The following KATNBL1 variants were observed in gnomAD, a reference collection of about 807,000 sequenced individuals.
The protein encoded by KATNBL1 is KATNB1-like protein 1.
A neutral mutation model predicts 44.7 loss-of-function variants in KATNBL1; 28 were observed. The ratio of observed to expected loss-of-function variants is 0.63; its 90% CI spans 0.46 to 0.86. The LOEUF (loss-of-function observed/expected upper bound fraction) is 0.86, where lower values mean the gene tolerates loss of function less well. KATNBL1 is among the 40% of genes least tolerant of loss of function. The pLI, the probability that KATNBL1 is intolerant of heterozygous loss-of-function variation, is 0.00. For missense variants in KATNBL1, 272 were observed against 350.7 expected (o/e 0.78, Z 1.79); for synonymous variants, 78 against 114.9 (o/e 0.68, Z 2.06).
At chr15:34,170,412 A>G (rs1889122902) in intron 1 of KATNBL1, among the ~76,000 whole-genome samples, 1 of 152,246 alleles carries the variant, frequency 6.6e-6, no homozygotes. Context: ...GGAGAACTAC[A>G]AACCACTGCT....
chr15:34,182,383 A>T (rs1401746286), intron 1 of KATNBL1, among the ~76,000 whole-genome samples: 2 of 152,202 alleles, frequency 1.3e-5, no homozygotes, highest in Non-Finnish European at 1.5e-5. Flanking sequence ...AAACATATAC[A>T]ATTACGGTGT....
At chr15:34,164,141 G>A (rs975290836) in intron 1 of KATNBL1, among the ~76,000 whole-genome samples, 10 of 152,106 alleles carry the variant, frequency 6.6e-5, no homozygotes, top group African/African-American at 1.7e-4. Context: ...TGATCCATCC[G>A]CCTCAGCCTC....
intron 1 of KATNBL1, among the ~76,000 whole-genome samples, chr15:34,204,924 G>A (rs1407425380): frequency 6.6e-6 from 1 of 151,740 alleles, no homozygotes; most frequent in Non-Finnish European, 1.5e-5. Flanking sequence ...CGAATTATAT[G>A]TGAAAAAACT....
rs1386970832 is a variant in KATNBL1, at chr15:34,145,250, G to A, written c.882+148C>T. 3 of 1,412,758 alleles carry A rather than the reference G, an allele frequency of 2.1e-6. No individual in the cohort carries two copies. In the African/African-American group the frequency reaches 4.3e-5, roughly 20 times the overall value. 87.5% of individuals were successfully genotyped at this position (1,412,758 alleles called of 1,614,324 possible). On this transcript the variant is annotated intron_variant, in intron 9 of 9. Transcript: ENST00000256544. ...GCCAAGGTCACAGTTACACGCAGAG[G>A]ACCTGAAGCATTTGAAAATATGAAA...
At chr15:34,176,520 A>G (rs773937203) in intron 1 of KATNBL1, among the ~76,000 whole-genome samples, 5 of 152,252 alleles carry the variant, frequency 3.3e-5, no homozygotes, top group Non-Finnish European at 5.9e-5. Flanking sequence ...AGAGATAGAA[A>G]GCAGACTCGT....
chr15:34,196,615 C>T (rs1234015313), intron 1 of KATNBL1, among the ~76,000 whole-genome samples: 2 of 152,014 alleles, frequency 1.3e-5, no homozygotes, highest in African/African-American at 4.8e-5. Flanking sequence ...GTAATCCCAG[C>T]TACTCGGGAG....
intron 1 of KATNBL1, among the ~76,000 whole-genome samples, chr15:34,178,965 G>C (rs1889428770): frequency 6.6e-6 from 1 of 151,978 alleles, no homozygotes; most frequent in South Asian, 2.1e-4. Context: ...ATACAGATCA[G>C]GTTAAAAAAA....
rs148392604 is a variant in KATNBL1, at chr15:34,195,855, A to G, written c.-15+14096T>C. Reference sequence around the variant, plus strand: ...TACAAAATAGTTATGGCGACATGGAAATTGATGATAAATGCAAATAAATTT... The same window carrying G: ...TACAAAATAGTTATGGCGACATGGAGATTGATGATAAATGCAAATAAATTT... On this transcript the variant is annotated intron_variant, in intron 1 of 9. Transcript: ENST00000256544. Among the ~76,000 whole-genome samples, 802 of 152,248 alleles carry G rather than the reference A, an allele frequency of 5.3e-3. 8 individuals are homozygous for G. Among genetic ancestry groups the G allele is most frequent in the African/African-American group, 0.018 (756 of 41,542 alleles).
At chr15:34,164,033 T>C (rs945576206) in intron 1 of KATNBL1, among the ~76,000 whole-genome samples, 2 of 152,116 alleles carry the variant, frequency 1.3e-5, no homozygotes, top group Non-Finnish European at 2.9e-5. Context: ...GCTGGGATTA[T>C]AGGCTTGTGC....
rs550821375 is a variant in KATNBL1, at chr15:34,189,741, A to G, written c.-15+20210T>C. ...CCTTTGTTCCCTGCAGTTTACTCAA[A>G]AAGTAAACAAAAATATTTTATTATC... is the stretch of plus-strand genomic sequence containing the variant. On this transcript the variant is annotated intron_variant, in intron 1 of 9. Transcript: ENST00000256544. Among the ~76,000 whole-genome samples, 15 of 152,352 alleles carry G rather than the reference A, an allele frequency of 9.8e-5. No homozygotes were observed. The South Asian group carries it at 3.1e-3, about 32-fold the overall frequency.
Position 34,145,469 on chromosome 15 carries a change from G to A in KATNBL1, c.811C>T (p.Gln271Ter), listed in dbSNP as rs746821676. The A allele has an allele frequency of 6.9e-7, 1 of 1,450,172 alleles. No homozygotes were observed. The highest frequency in any genetic ancestry group is 2.9e-5 in the Admixed American group (1 of 34,634). 89.8% of individuals were successfully genotyped at this position (1,450,172 alleles called of 1,614,324 possible). The change falls in exon 9 of 10, where the codon CAA (glutamine) becomes TAA (stop). Residue 271 changes from glutamine to a stop codon, truncating the protein, a stop_gained. Transcript: ENST00000256544. LOFTEE classifies it high-confidence loss of function. ...TCCTGTTCCCATAATCCACTTAATT[G>A]TTGTTTTAAAATTTGAATATTTCTA... Reference protein sequence around the residue: ...NDGNIQILKQQLSGLWEQENH... With the variant: ...NDGNIQILKQ
intron 1 of KATNBL1, among the ~76,000 whole-genome samples, chr15:34,203,103 T>G (rs953623381): frequency 1.3e-5 from 2 of 152,256 alleles, no homozygotes; most frequent in African/African-American, 4.8e-5. Context: ...AATAGTCATC[T>G]ATTCTTGAAC....
intron 1 of KATNBL1, among the ~76,000 whole-genome samples, chr15:34,169,409 A>G (rs914035636): frequency 1.3e-5 from 2 of 152,250 alleles, no homozygotes; most frequent in African/African-American, 2.4e-5. Flanking sequence ...CAATTGCTGA[A>G]TAGACCAATA....
intron 1 of KATNBL1, among the ~76,000 whole-genome samples, chr15:34,166,390 G>A (rs962272012): frequency 1.3e-5 from 2 of 152,252 alleles, no homozygotes; most frequent in African/African-American, 4.8e-5. Flanking sequence ...GGGGAGGGGC[G>A]TCCGCCACTG....
intron 1 of KATNBL1, among the ~76,000 whole-genome samples, chr15:34,178,553 C>G (rs558119727): frequency 1.3e-4 from 20 of 152,148 alleles, no homozygotes; most frequent in East Asian, 5.8e-4. Flanking sequence ...GTCAGGAGAT[C>G]GAGACCATCC....
chr15:34,183,413 A>C (rs1889622583), intron 1 of KATNBL1, among the ~76,000 whole-genome samples: 1 of 152,198 alleles, frequency 6.6e-6, no homozygotes, highest in African/African-American at 2.4e-5. Context: ...ATCTGGGTAA[A>C]AAATTAAAGA....
At chr15:34,162,019 G>A (rs1888822805) in intron 2 of KATNBL1, among the ~76,000 whole-genome samples, 2 of 152,156 alleles carry the variant, frequency 1.3e-5, no homozygotes, top group African/African-American at 4.8e-5. Context: ...TGTAAATTTT[G>A]TGATTGATAT....
intron 9 of KATNBL1, among the ~76,000 whole-genome samples, chr15:34,143,610 CAAAAACTTTCT>C (rs1431605797): frequency 1.3e-5 from 2 of 151,150 alleles, no homozygotes; most frequent in African/African-American, 2.4e-5. Flanking sequence ...AAAACAACAA[CAAAAACTTTCT>C]AGGAGATTGA....
intron 5 of KATNBL1, 77 bp downstream of exon 5, chr15:34,148,555 T>TA (rs1419538982): frequency 2.1e-5 from 18 of 841,692 alleles, no homozygotes; most frequent in Middle Eastern, 3.7e-4. Context: ...GCCACTGTAC[T>TA]CCAACTTGGA....
Sources: gnomAD v4.1 joint callset for allele counts (sites outside exome capture counted in the v4.1 genomes callset) on GRCh38, gnomAD v4.1.1 for gene constraint, MANE v1.5 for transcripts, NCBI Gene and HGNC (gene_info 2026-07-23, HGNC 2026-07-21) for gene names.